Variants in SOCS5 observed in about 807,000 individuals in gnomAD.
SOCS5 encodes the protein CIS-6.
SOCS5 carries 32 observed loss-of-function variants against 42.8 expected under a neutral mutation model. The ratio of observed to expected loss-of-function variants is 0.75; its 90% CI spans 0.56 to 1.01. The LOEUF (loss-of-function observed/expected upper bound fraction) is 1.01, where lower values mean the gene tolerates loss of function less well. SOCS5 is among the 50% of genes least tolerant of loss of function. The pLI is 0.00. For missense variants in SOCS5, 627 were observed against 653.0 expected, an observed-to-expected ratio of 0.96 and a Z score of 0.43; for synonymous variants, 283 against 229.6, an observed-to-expected ratio of 1.23 and a Z score of -2.10.
intron 1 of SOCS5, among the ~76,000 whole-genome samples, chr2:46,756,961 G>A (rs773177530): frequency 1.3e-5 from 2 of 152,202 alleles, no homozygotes; most frequent in Non-Finnish European, 2.9e-5. Context: ...AGATTTAACA[G>A]TTCTGTCTAA....
intron 1 of SOCS5, among the ~76,000 whole-genome samples, chr2:46,717,206 C>A (rs926871674): frequency 6.6e-6 from 1 of 152,136 alleles, no homozygotes; most frequent in African/African-American, 2.4e-5. Flanking sequence ...TCAGACTTTA[C>A]AAATTCTGAG....
rs1281592071 is a variant in SOCS5, at chr2:46,762,025, G to T, written c.*1884G>T. 5 of 166,938 alleles carry T rather than the reference G, an allele frequency of 3.0e-5. No individual in the cohort carries two copies. Among genetic ancestry groups the T allele is most frequent in the African/African-American group, 9.7e-5 (4 of 41,440 alleles). The allele number at this position is 166,938 out of a possible 1,614,324, so 10.3% of individuals were successfully genotyped here. ...TTGTAATAGATCAGTACCATTTATT[G>T]GTTTGGGGACCATCTTAATTAAAAA... On this transcript the variant is annotated 3_prime_UTR_variant, in exon 2 of 2. Coordinates refer to ENST00000394861, the MANE Select transcript of SOCS5 (RefSeq NM_144949.3).
chr2:46,727,835 G>T (rs1033437666), intron 1 of SOCS5, among the ~76,000 whole-genome samples: 1 of 152,034 alleles, frequency 6.6e-6, no homozygotes, highest in Non-Finnish European at 1.5e-5. Context: ...TTCTGCTGCC[G>T]ACCTCTTTTC....
At chr2:46,714,641 A>G (rs1352745180) in intron 1 of SOCS5, among the ~76,000 whole-genome samples, 2 of 152,204 alleles carry the variant, frequency 1.3e-5, no homozygotes, top group Non-Finnish European at 2.9e-5. Context: ...CTGGCAGGTT[A>G]AATCTGGCCT....
At chr2:46,732,954 T>TC (rs1673157577) in intron 1 of SOCS5, among the ~76,000 whole-genome samples, 1 of 152,160 alleles carries the variant, frequency 6.6e-6, no homozygotes, top group Admixed American at 6.5e-5. Context: ...TTAGCTTTAT[T>TC]CTTACAATGT....
Position 46,724,335 on chromosome 2 carries a change from C to G in SOCS5, c.-13+24886C>G, listed in dbSNP as rs117554443. Among the ~76,000 whole-genome samples, 41 of 151,554 alleles carry G rather than the reference C, an allele frequency of 2.7e-4. 1 individual carries two copies. The East Asian group carries it at 7.7e-3, about 29-fold the overall frequency. ...TTGATTCCAATTATAGAGGGGAAAG[C>G]ATTTTTCCCAACTATAGAGTGAAAG... On this transcript the variant is annotated intron_variant, in intron 1 of 1. Coordinates refer to ENST00000394861, the MANE Select transcript of SOCS5 (RefSeq NM_144949.3).
chr2:46,700,427 T>G (rs542445409), intron 1 of SOCS5, among the ~76,000 whole-genome samples: 2 of 152,368 alleles, frequency 1.3e-5, no homozygotes, highest in Non-Finnish European at 2.9e-5. Context: ...GGCTTACTTC[T>G]TCCCTATTTA....
At chr2:46,708,142 G>A (rs1265180169) in intron 1 of SOCS5, among the ~76,000 whole-genome samples, 2 of 152,172 alleles carry the variant, frequency 1.3e-5, no homozygotes, top group African/African-American at 2.4e-5. Flanking sequence ...TGACATTTAA[G>A]GCTCTGCTCT....
At chr2:46,754,770 A>G (rs764497670) in intron 1 of SOCS5, among the ~76,000 whole-genome samples, 17 of 152,244 alleles carry the variant, frequency 1.1e-4, no homozygotes, top group Non-Finnish European at 2.5e-4. Context: ...AGATAATAAT[A>G]GATCCTGTCA....
At chr2:46,751,187 G>C (rs1399394010) in intron 1 of SOCS5, among the ~76,000 whole-genome samples, 2 of 152,036 alleles carry the variant, frequency 1.3e-5, no homozygotes, top group Non-Finnish European at 2.9e-5. Context: ...TTATGTCAGA[G>C]CCTGGTACAT....
At chr2:46,746,961 G>T (rs1673515450) in intron 1 of SOCS5, among the ~76,000 whole-genome samples, 2 of 91,140 alleles carry the variant, frequency 2.2e-5, no homozygotes, top group African/African-American at 4.0e-5. Flanking sequence ...TGAGCTGGCT[G>T]TTGCATCTCT....
intron 1 of SOCS5, among the ~76,000 whole-genome samples, chr2:46,748,467 A>T (rs987813923): frequency 6.6e-6 from 1 of 152,080 alleles, no homozygotes; most frequent in Non-Finnish European, 1.5e-5. Context: ...GATTATAAGC[A>T]TGAGCCACTG....
chr2:46,716,367 A>ATTTTTTTTTTTTTTTTT (rs35187667), intron 1 of SOCS5, among the ~76,000 whole-genome samples: 8 of 17,042 alleles, frequency 4.7e-4, no homozygotes, highest in Non-Finnish European at 7.0e-4. Context: ...GAGTGTCTTC[A>ATTTTTTTTTTTTTTTTT]TTTTTTTTTT....
At position 46,733,568 on chromosome 2, in the gene SOCS5, CAAAAAAAAAAAAGAAA is replaced by C. The variant is rs1411414822; in HGVS notation, c.-12-24937_-12-24922del. Among the ~76,000 whole-genome samples, 105 of 58,456 alleles carry C rather than the reference CAAAAAAAAAAAAGAAA, an allele frequency of 1.8e-3. 1 individual carries two copies. The highest frequency in any genetic ancestry group is 1.2e-3 in the East Asian group (2 of 1,686). 38.3% of individuals were successfully genotyped at this position (58,456 alleles called of 152,430 possible). On this transcript the variant is annotated intron_variant, in intron 1 of 1. Transcript: ENST00000394861. Reference sequence around the variant, plus strand: ...ACACAGTGAAACTGAGACCCTGTCTCAAAAAAAAAAAAGAAAAAAAAAAAAAAAGGAATAACCATTG... The same window carrying C: ...ACACAGTGAAACTGAGACCCTGTCTCAAAAAAAAAAAAGGAATAACCATTG...
At chr2:46,751,087 G>C (rs1053565175) in intron 1 of SOCS5, among the ~76,000 whole-genome samples, 6 of 152,058 alleles carry the variant, frequency 3.9e-5, no homozygotes, top group Non-Finnish European at 7.4e-5. Context: ...TGAAGTCCAA[G>C]TTGTTATTAA....
At chr2:46,739,919 T>A (rs1419079919) in intron 1 of SOCS5, among the ~76,000 whole-genome samples, 1 of 152,188 alleles carries the variant, frequency 6.6e-6, no homozygotes, top group Admixed American at 6.5e-5. Flanking sequence ...AACGCAGCTG[T>A]GACCAGTTTA....
intron 1 of SOCS5, among the ~76,000 whole-genome samples, chr2:46,714,921 ATTAG>A (rs1672705337): frequency 6.6e-6 from 1 of 151,962 alleles, no homozygotes; most frequent in Admixed American, 6.5e-5. Flanking sequence ...GGCGGCCTTA[ATTAG>A]TTAATCGTGA....
Position 46,758,682 on chromosome 2 carries a change from C to G in SOCS5, c.152C>G (p.Thr51Ser), listed in dbSNP as rs375233821. 7 of 1,614,064 alleles carry G rather than the reference C, an allele frequency of 4.3e-6. No individual in the cohort carries two copies. The highest frequency in any genetic ancestry group is 5.9e-6 in the Non-Finnish European group (7 of 1,180,008). The change falls in exon 2 of 2, where the codon ACT becomes AGT. Residue 51 changes from threonine to serine, a missense_variant. This residue lies in a region of SOCS5 where 278 missense variants were observed against 246.3 expected (regional missense o/e 1.13). Coordinates refer to ENST00000394861, the MANE Select transcript of SOCS5 (RefSeq NM_144949.3). ...KEKNISIGDS[T>S]PQQQSSPLRE... ...AAAAACATCAGCATAGGAGACTCAA[C>G]TCCTCAGCAACAAAGCAGTCCCTTA...
chr2:46,760,021 G>C lies in SOCS5; in HGVS notation c.1491G>C (p.Thr497=). The part of the protein sequence containing the change: ...ICRAVICRCT[T]YDGIDGLPLP... ...GCGCGGTAATCTGCAGGTGCACTAC[G>C]TATGATGGAATTGATGGGCTCCCTC... Residue 497 remains threonine (T), a synonymous_variant, in exon 2 of 2, where the codon ACG becomes ACC. Transcript: ENST00000394861. 1.9e-6 allele frequency: 3 copies of C among 1,614,098 alleles called. No individual in the cohort carries two copies. The highest frequency in any genetic ancestry group is 2.5e-6 in the Non-Finnish European group (3 of 1,180,002).
Sources: gnomAD v4.1 joint callset for allele counts (sites outside exome capture counted in the v4.1 genomes callset) on GRCh38, gnomAD v4.1.1 for gene constraint, gnomAD v4.1.1 regional missense constraint, MANE v1.5 for transcripts, NCBI Gene and HGNC (gene_info 2026-07-23, HGNC 2026-07-21) for gene names.